Variants in VPS53 observed in about 807,000 individuals in gnomAD.
VPS53 encodes the protein VPS53 subunit of GARP complex.
VPS53 carries 70 observed loss-of-function variants against 107.0 expected under a neutral mutation model. The ratio of observed to expected loss-of-function variants is 0.65; its 90% confidence interval spans 0.54 to 0.80. VPS53 has a LOEUF of 0.80. VPS53 is among the 30% of genes least tolerant of loss of function. The pLI, the probability that VPS53 is intolerant of heterozygous loss-of-function variation, is 0.00. For missense variants in VPS53, 917 were observed against 1,049.4 expected, an observed-to-expected ratio of 0.87 and a Z score of 1.74; for synonymous variants, 409 against 393.3, an observed-to-expected ratio of 1.04 and a Z score of -0.47.
chr17:604,592 C>T (rs1203611411), intron 11 of VPS53, among the ~76,000 whole-genome samples: 1 of 152,192 alleles, frequency 6.6e-6, no homozygotes, highest in East Asian at 1.9e-4. Flanking sequence ...TACAGGTGCA[C>T]ATCACCACAC....
chr17:710,924 G>A (rs751463830), intron 1 of VPS53, among the ~76,000 whole-genome samples: 1 of 152,132 alleles, frequency 6.6e-6, no homozygotes, highest in Non-Finnish European at 1.5e-5. Flanking sequence ...CAGTCTGGGC[G>A]AAAGAGCAAG....
intron 11 of VPS53, among the ~76,000 whole-genome samples, chr17:604,685 C>A (rs1968483585): frequency 6.6e-6 from 1 of 152,168 alleles, no homozygotes; most frequent in Non-Finnish European, 1.5e-5. Context: ...CTGAAGCAAT[C>A]CATCTGTCTC....
At chr17:662,573 C>T (rs1355467090) in intron 4 of VPS53, among the ~76,000 whole-genome samples, 1 of 151,928 alleles carries the variant, frequency 6.6e-6, no homozygotes, top group South Asian at 2.1e-4. Flanking sequence ...CCTGTAGTCC[C>T]AGCTACTCAG....
At chr17:562,370 CG>C in intron 14 of VPS53, 132 bp downstream of exon 14, 2 of 1,273,132 alleles carry the variant, frequency 1.6e-6, no homozygotes, top group South Asian at 1.4e-5. Context: ...TTCAGGCCCT[CG>C]GGAACTCAGG....
chr17:621,518 C>A (rs912606523), intron 11 of VPS53, among the ~76,000 whole-genome samples: 1 of 152,134 alleles, frequency 6.6e-6, no homozygotes, highest in Non-Finnish European at 1.5e-5. Flanking sequence ...AATTTATGCA[C>A]CAAAAAGGTT....
intron 11 of VPS53, among the ~76,000 whole-genome samples, chr17:605,048 C>A (rs73973168): frequency 0.027 from 4,155 of 152,164 alleles, 74 homozygotes; most frequent in East Asian, 0.07. Flanking sequence ...AGGGCCGCAG[C>A]CGTCCCTAAA....
intron 13 of VPS53, among the ~76,000 whole-genome samples, chr17:566,203 C>CAAA (rs1003234136): frequency 1.7e-5 from 1 of 57,294 alleles, no homozygotes; most frequent in African/African-American, 5.2e-5. Flanking sequence ...GACTCCGTCT[C>CAAA]AAAAAAAAAA....
chr17:624,752 T>C (rs923756916), intron 10 of VPS53, among the ~76,000 whole-genome samples: 1 of 152,212 alleles, frequency 6.6e-6, no homozygotes, highest in Non-Finnish European at 1.5e-5. Flanking sequence ...TCTGCTGAAC[T>C]GTAGGCTAAA....
intron 10 of VPS53, among the ~76,000 whole-genome samples, chr17:625,828 G>C (rs758427129): frequency 6.6e-6 from 1 of 152,076 alleles, no homozygotes; most frequent in African/African-American, 2.4e-5. Context: ...TAAAAAAGAC[G>C]GCCATGGATT....
chr17:675,203 G>C (rs1972104162), intron 4 of VPS53: 1 of 152,120 alleles, frequency 6.6e-6, no homozygotes, highest in South Asian at 2.1e-4. Context: ...CAAGACACTA[G>C]TTACCAGAAA....
chr17:571,568 T>G (rs1387010596), intron 13 of VPS53, among the ~76,000 whole-genome samples: 1 of 134,808 alleles, frequency 7.4e-6, no homozygotes, highest in Non-Finnish European at 1.7e-5. Context: ...CTCCCTCTCT[T>G]TCCACGGTCT....
intron 13 of VPS53, among the ~76,000 whole-genome samples, chr17:565,271 C>T (rs913650602): frequency 1.3e-5 from 2 of 151,542 alleles, no homozygotes; most frequent in African/African-American, 4.8e-5. Context: ...GGCGTGGTGG[C>T]GGGTGCCTGT....
chr17:578,671 C>G (rs146881309), intron 13 of VPS53, among the ~76,000 whole-genome samples: 323 of 151,870 alleles, frequency 2.1e-3, no homozygotes, highest in African/African-American at 7.4e-3. Flanking sequence ...CAGACAACTT[C>G]CCTGAGAACC....
At position 599,514 on chromosome 17, in the gene VPS53, G is replaced by A. The variant is rs555906929; in HGVS notation, c.1218+2281C>T. Among the ~76,000 whole-genome samples, 137 of 150,724 alleles carry A rather than the reference G, an allele frequency of 9.1e-4. 1 individual carries two copies. The highest frequency in any genetic ancestry group is 3.2e-3 in the African/African-American group (133 of 41,176). The stretch of plus-strand genomic sequence containing the variant: ...ACTCAGGGTTAAATGGATTAAGGGC[G>A]GTGCAAGATGTGCTTTGTTAAACAG... On this transcript the variant is annotated intron_variant, in intron 12 of 21. Coordinates refer to ENST00000437048, the MANE Select transcript of VPS53 (RefSeq NM_001128159.3).
intron 2 of VPS53, among the ~76,000 whole-genome samples, chr17:709,049 A>G (rs1973529880): frequency 6.6e-6 from 1 of 152,152 alleles, no homozygotes; most frequent in East Asian, 1.9e-4. Flanking sequence ...GACTGCTGCA[A>G]GCTTGACTCC....
intron 13 of VPS53, among the ~76,000 whole-genome samples, chr17:582,151 C>T (rs118144008): frequency 0.015 from 2,128 of 139,110 alleles, 20 homozygotes; most frequent in East Asian, 0.1. Context: ...GAACTTCCCT[C>T]AGAACCTAAT....
At chr17:594,619 C>T (rs1299075792) in intron 12 of VPS53, among the ~76,000 whole-genome samples, 1 of 148,056 alleles carries the variant, frequency 6.8e-6, no homozygotes, top group Non-Finnish European at 1.5e-5. Context: ...CTGGAGGAAG[C>T]TGGGAGATGG....
At chr17:661,003 C>T (rs374216909) in intron 5 of VPS53, among the ~76,000 whole-genome samples, 5 of 151,978 alleles carry the variant, frequency 3.3e-5, no homozygotes, top group African/African-American at 1.2e-4. Flanking sequence ...CCGGGGGACA[C>T]AAATTTGTCA....
rs1245200024 is a variant in VPS53 at position 700,030 on chromosome 17, T to C, written c.169-650A>G. 2.0e-5 allele frequency among the ~76,000 whole-genome samples: 3 copies of C among 152,318 alleles called. No individual in the cohort carries two copies. In the East Asian group the frequency reaches 5.8e-4, roughly 29 times the overall value. On this transcript the variant is annotated intron_variant, in intron 2 of 21. Coordinates refer to ENST00000437048, the MANE Select transcript of VPS53 (RefSeq NM_001128159.3). ...GGTGGCAGTTACATGGCTATGTTCA[T>C]TTTGTGAAACTTCATCAAGTTGTAC...
Sources: allele counts gnomAD v4.1 joint callset (sites outside exome capture counted in the v4.1 genomes callset), GRCh38; gene constraint gnomAD v4.1.1; transcripts MANE v1.5; gene names NCBI Gene and HGNC (gene_info 2026-07-23, HGNC 2026-07-21).